HCRTR2: variants seen among roughly 807,000 people sequenced by gnomAD.
The protein encoded by HCRTR2 is hypocretin receptor 2, also known as orexin receptor type 2.
In HCRTR2, 22 loss-of-function variants were observed where a neutral mutation model predicts 49.0. That is an observed-to-expected ratio of 0.45 (90% CI 0.32 to 0.64). HCRTR2 has a LOEUF of 0.64. Among genes scored for constraint, HCRTR2 ranks in the 30% least tolerant of loss-of-function variants. The pLI, the probability that HCRTR2 is intolerant of heterozygous loss-of-function variation, is 0.04. For missense variants in HCRTR2, 491 were observed against 559.4 expected, an observed-to-expected ratio of 0.88 and a Z score of 1.23; for synonymous variants, 236 against 205.3, an observed-to-expected ratio of 1.15 and a Z score of -1.28.
chr6:55,277,664 T>TG, intron 5 of HCRTR2, 64 bp downstream of exon 5: 1 of 1,224,008 alleles, frequency 8.2e-7, no homozygotes, highest in Non-Finnish European at 1.2e-6. Flanking sequence ...AATTAACTTT[T>TG]TTTTTTTTTT....
At chr6:55,250,319 C>T (rs1265212611) in intron 2 of HCRTR2, among the ~76,000 whole-genome samples, 11 of 151,966 alleles carry the variant, frequency 7.2e-5, no homozygotes, top group African/African-American at 2.2e-4. Flanking sequence ...AAATGAATGG[C>T]TCTGGTGGTG....
chr6:55,228,088 G>A (rs979680790), intron 1 of HCRTR2, among the ~76,000 whole-genome samples: 2 of 152,094 alleles, frequency 1.3e-5, no homozygotes, highest in African/African-American at 4.8e-5. Context: ...CATGGTTGAG[G>A]TAGTGAGAGG....
intron 1 of HCRTR2, among the ~76,000 whole-genome samples, chr6:55,123,314 T>G (rs1184260964): frequency 1.3e-5 from 2 of 152,010 alleles, no homozygotes; most frequent in African/African-American, 4.8e-5. Context: ...ATACCTAGTT[T>G]ATTGAGAGTT....
chr6:55,189,070 T>C lies in HCRTR2; in HGVS notation c.223+14260T>C, dbSNP rs539498660. Reference sequence around the variant, plus strand: ...TTTTAAACACATTTCTGGGTAATTTTGAGTAATAAGGTCTTAATCTCCTCT... The same window carrying C: ...TTTTAAACACATTTCTGGGTAATTTCGAGTAATAAGGTCTTAATCTCCTCT... On this transcript the variant is annotated intron_variant, in intron 1 of 6. Coordinates refer to ENST00000370862, the MANE Select transcript of HCRTR2 (RefSeq NM_001384272.1). Among the ~76,000 whole-genome samples the C allele has an allele frequency of 2.0e-5, 3 of 152,346 alleles. No homozygotes were observed. In the East Asian group the frequency reaches 5.8e-4, roughly 29 times the overall value.
At chr6:55,282,922 T>A (rs906244810), downstream of HCRTR2, among the ~76,000 whole-genome samples, 4 of 152,150 alleles carry the variant, frequency 2.6e-5, no homozygotes, top group Admixed American at 6.6e-5. Flanking sequence ...AGACTGTTGT[T>A]ATAATGTGAT....
At chr6:55,247,134 TTGTGTGTGTGTGAA>T (rs925276350) in intron 1 of HCRTR2, among the ~76,000 whole-genome samples, 13 of 151,778 alleles carry the variant, frequency 8.6e-5, no homozygotes, top group Admixed American at 8.6e-4. Context: ...TAGGGTGGGT[TTGTGTGTGTGTGAA>T]TATGTGTGTG....
At chr6:55,143,234 T>C (rs1483671860) in intron 1 of HCRTR2, among the ~76,000 whole-genome samples, 1 of 152,024 alleles carries the variant, frequency 6.6e-6, no homozygotes, top group Non-Finnish European at 1.5e-5. Flanking sequence ...TGACTTCTTA[T>C]AGTATGTTCT....
At chr6:55,204,115 T>C (rs1180813675) in intron 1 of HCRTR2, among the ~76,000 whole-genome samples, 1 of 152,006 alleles carries the variant, frequency 6.6e-6, no homozygotes, top group Non-Finnish European at 1.5e-5. Flanking sequence ...TTCTATCCCC[T>C]CTCATAAGGG....
At chr6:55,161,323 C>G (rs188781373) in intron 1 of HCRTR2, among the ~76,000 whole-genome samples, 26 of 152,234 alleles carry the variant, frequency 1.7e-4, no homozygotes, top group Non-Finnish European at 3.5e-4. Context: ...CTCTGGGACA[C>G]AGCTAAAGTA....
chr6:55,280,538 A>G lies in HCRTR2; in HGVS notation c.1105+94A>G, dbSNP rs1054198530. 1.1e-5 allele frequency: 17 copies of G among 1,545,374 alleles called. No homozygotes were observed. The African/African-American group carries it at 1.8e-4, about 16-fold the overall frequency. On this transcript the variant is annotated intron_variant, in intron 6 of 6. Coordinates refer to ENST00000370862, the MANE Select transcript of HCRTR2 (RefSeq NM_001384272.1). ...CAACTATATGAGGAGTTTAGTTGCT[A>G]TGTGAGTTGTATTTTTTCCCTGACC...
intron 3 of HCRTR2, among the ~76,000 whole-genome samples, chr6:55,259,854 A>C (rs1240174668): frequency 6.6e-6 from 1 of 152,148 alleles, no homozygotes; most frequent in African/African-American, 2.4e-5. Flanking sequence ...TGAAGTACAG[A>C]AAGACTTCAA....
At chr6:55,227,811 T>C (rs991049698) in intron 1 of HCRTR2, among the ~76,000 whole-genome samples, 1 of 152,056 alleles carries the variant, frequency 6.6e-6, no homozygotes, top group African/African-American at 2.4e-5. Context: ...GAGAGATAAA[T>C]GGAATTAAAT....
At chr6:55,112,189 A>G (rs554931553) in intron 1 of HCRTR2, among the ~76,000 whole-genome samples, 8 of 152,162 alleles carry the variant, frequency 5.3e-5, no homozygotes, top group Admixed American at 6.6e-5. Flanking sequence ...TCAACATTAT[A>G]CTAAATGGGG....
intron 1 of HCRTR2, among the ~76,000 whole-genome samples, chr6:55,247,665 C>G (rs1010558535): frequency 6.6e-6 from 1 of 152,002 alleles, no homozygotes; most frequent in Non-Finnish European, 1.5e-5. Context: ...CTTTTATATA[C>G]GTCAGACCGA....
At chr6:55,261,679 G>A (rs565156796) in intron 3 of HCRTR2, among the ~76,000 whole-genome samples, 1 of 152,254 alleles carries the variant, frequency 6.6e-6, no homozygotes, top group South Asian at 2.1e-4. Flanking sequence ...CTGCTGGTGG[G>A]AATGTAAGCT....
intron 1 of HCRTR2, among the ~76,000 whole-genome samples, chr6:55,235,394 G>T (rs1382145165): frequency 2.0e-5 from 3 of 152,116 alleles, no homozygotes; most frequent in Non-Finnish European, 4.4e-5. Context: ...TTAACCACAA[G>T]AAATAATCAT....
chr6:55,175,855 A>C (rs552697163), intron 1 of HCRTR2, among the ~76,000 whole-genome samples: 1 of 152,256 alleles, frequency 6.6e-6, no homozygotes, highest in African/African-American at 2.4e-5. Flanking sequence ...ACCTTGATGA[A>C]TGAAGAGTAG....
chr6:55,142,584 C>T (rs548598203), intron 1 of HCRTR2, among the ~76,000 whole-genome samples: 14 of 151,668 alleles, frequency 9.2e-5, no homozygotes, highest in Non-Finnish European at 1.8e-4. Context: ...GGATATAAAG[C>T]TGTGTGTCAA....
intron 4 of HCRTR2, among the ~76,000 whole-genome samples, chr6:55,264,607 A>G (rs1290431607): frequency 6.6e-6 from 1 of 152,140 alleles, no homozygotes; most frequent in East Asian, 1.9e-4. Context: ...TATCTAATAC[A>G]GGAAAGGTAA....
Sources: gnomAD v4.1 joint callset for allele counts (sites outside exome capture counted in the v4.1 genomes callset) on GRCh38, gnomAD v4.1.1 for gene constraint, MANE v1.5 for transcripts, NCBI Gene and HGNC (gene_info 2026-07-23, HGNC 2026-07-21) for gene names.